ADGRA3: variants seen among roughly 807,000 people sequenced by gnomAD.
ADGRA3 encodes adhesion G protein-coupled receptor A3, also known as G-protein coupled receptor 125.
Under a neutral mutation model 119.8 loss-of-function variants are expected in ADGRA3, and 56 were observed. The ratio of observed to expected loss-of-function variants is 0.47; its 90% CI spans 0.38 to 0.58. The LOEUF (loss-of-function observed/expected upper bound fraction) is 0.58. Ranked by LOEUF, ADGRA3 falls within the 20% of genes least tolerant of loss-of-function variation. ADGRA3 has a pLI of 0.00. For missense variants in ADGRA3, 1,516 were observed against 1,649.0 expected, an observed-to-expected ratio of 0.92 and a Z score of 1.40; for synonymous variants, 607 against 623.8, an observed-to-expected ratio of 0.97 and a Z score of 0.40.
intron 1 of ADGRA3, among the ~76,000 whole-genome samples, chr4:22,490,621 C>T (rs974824431): frequency 2.0e-5 from 3 of 152,044 alleles, no homozygotes; most frequent in Non-Finnish European, 2.9e-5. Flanking sequence ...TTAAGTGCTA[C>T]AAGAGGGATA....
chr4:22,445,308 T>G (rs947908422), intron 5 of ADGRA3, among the ~76,000 whole-genome samples, 175 bp from the exon 6 acceptor site: 2 of 152,188 alleles, frequency 1.3e-5, no homozygotes, highest in Admixed American at 1.3e-4. Context: ...TTGCAGAGTG[T>G]TGGACCCCAA....
rs561450332 is a variant in ADGRA3 at position 22,387,615 on chromosome 4, G to A, written c.*90C>T. The A allele has an allele frequency of 2.3e-5, 29 of 1,261,236 alleles. No homozygotes were observed. The South Asian group carries it at 4.4e-4, about 19-fold the overall frequency. The allele number at this position is 1,261,236 out of a possible 1,614,324, so 78.1% of individuals were successfully genotyped here. The stretch of plus-strand genomic sequence containing the variant: ...TTCCAAATTCTTTTGAATCCCTATG[G>A]TGGCTGTAAACAGTTTTTAAATGCT... On this transcript the variant is annotated 3_prime_UTR_variant, in exon 19 of 19. Coordinates refer to ENST00000334304, the MANE Select transcript of ADGRA3 (RefSeq NM_145290.4).
intron 14 of ADGRA3, among the ~76,000 whole-genome samples, chr4:22,411,713 A>T (rs531659329): frequency 3.3e-5 from 5 of 152,304 alleles, no homozygotes; most frequent in Admixed American, 6.5e-5. Flanking sequence ...AGAGAATCAG[A>T]ATCATAAACT....
At chr4:22,481,587 CTTTTTA>C (rs1479248540) in intron 1 of ADGRA3, among the ~76,000 whole-genome samples, 1 of 152,150 alleles carries the variant, frequency 6.6e-6, no homozygotes, top group Non-Finnish European at 1.5e-5. Context: ...TTGATGGCTG[CTTTTTA>C]TTTTTATTTG....
intron 1 of ADGRA3, among the ~76,000 whole-genome samples, chr4:22,505,673 A>C (rs1047351678): frequency 6.6e-6 from 1 of 151,928 alleles, no homozygotes; most frequent in Non-Finnish European, 1.5e-5. Flanking sequence ...GAATTTCTAA[A>C]ATTCCACGGT....
intron 1 of ADGRA3, chr4:22,478,330 G>C (rs1252352571): frequency 6.6e-6 from 1 of 152,168 alleles, no homozygotes; most frequent in African/African-American, 2.4e-5. Context: ...AGTAGTTTTA[G>C]AAGTTCTCAG....
Position 22,388,814 on chromosome 4 carries a change from T to G in ADGRA3, c.2857A>C (p.Lys953Gln). The G allele has an allele frequency of 1.2e-6, 2 of 1,614,124 alleles. No homozygotes were observed. The highest frequency in any genetic ancestry group is 1.7e-6 in the Non-Finnish European group (2 of 1,179,998). The part of the protein sequence containing the change: ...KRHPERKYEL[K>Q]EPTEEQQRLA... Reference sequence around the variant, plus strand: ...CTCTGTTGCTCCTCCGTGGGCTCCTTAAGCTCATATTTGCGCTCAGGGTGT... The same window carrying G: ...CTCTGTTGCTCCTCCGTGGGCTCCTGAAGCTCATATTTGCGCTCAGGGTGT... The change falls in exon 19 of 19, where the codon AAG becomes CAG. Residue 953 changes from lysine (K) to glutamine (Q), a missense_variant. By Grantham distance (53) the Lys-to-Gln change is moderately conservative. This residue lies in a region of ADGRA3 where 1,088 missense variants were observed against 1,107.1 expected (regional missense o/e 0.98). Coordinates refer to ENST00000334304, the MANE Select transcript of ADGRA3 (RefSeq NM_145290.4).
intron 14 of ADGRA3, among the ~76,000 whole-genome samples, chr4:22,405,996 T>C (rs1385787427): frequency 6.6e-6 from 1 of 152,142 alleles, no homozygotes; most frequent in Non-Finnish European, 1.5e-5. Flanking sequence ...CTCTGGTATT[T>C]TCCATTCTCC....
At chr4:22,456,421 A>G (rs1276118143) in intron 3 of ADGRA3, among the ~76,000 whole-genome samples, 3 of 152,084 alleles carry the variant, frequency 2.0e-5, no homozygotes, top group Non-Finnish European at 4.4e-5. Context: ...CAGGCAAAAG[A>G]GAGGGCTTGT....
chr4:22,444,932 A>G, intron 6 of ADGRA3, 41 bp downstream of exon 6: 1 of 1,605,056 alleles, frequency 6.2e-7, no homozygotes, highest in Non-Finnish European at 8.5e-7. Flanking sequence ...TAGCAAGTCA[A>G]AATATGGTAA....
intron 11 of ADGRA3, among the ~76,000 whole-genome samples, chr4:22,421,617 T>C (rs900993485): frequency 6.6e-6 from 1 of 152,154 alleles, no homozygotes; most frequent in African/African-American, 2.4e-5. Context: ...CAAAGCTGTT[T>C]CTTCAGAAAA....
At chr4:22,406,994 G>A (rs1209052882) in intron 14 of ADGRA3, among the ~76,000 whole-genome samples, 7 of 152,162 alleles carry the variant, frequency 4.6e-5, no homozygotes, top group Non-Finnish European at 7.3e-5. Context: ...ATATAAGGCC[G>A]GGCGCAGTGG....
chr4:22,475,484 T>C (rs1368449248), intron 1 of ADGRA3, among the ~76,000 whole-genome samples: 1 of 152,092 alleles, frequency 6.6e-6, no homozygotes, highest in Non-Finnish European at 1.5e-5. Context: ...TCCCAGCACT[T>C]TGGGAGGCCG....
At chr4:22,403,833 CTG>C (rs1437967058) in intron 14 of ADGRA3, among the ~76,000 whole-genome samples, 3 of 152,192 alleles carry the variant, frequency 2.0e-5, no homozygotes, top group African/African-American at 7.2e-5. Flanking sequence ...TAGGCACTGA[CTG>C]TGTCCAGCAC....
chr4:22,404,435 G>A (rs960637867), intron 14 of ADGRA3, among the ~76,000 whole-genome samples: 13 of 152,168 alleles, frequency 8.5e-5, no homozygotes, highest in Non-Finnish European at 1.6e-4. Flanking sequence ...ATGATGAACA[G>A]TTAATGACAA....
At chr4:22,462,900 G>A (rs1186787016) in intron 2 of ADGRA3, among the ~76,000 whole-genome samples, 2 of 152,132 alleles carry the variant, frequency 1.3e-5, no homozygotes, top group South Asian at 4.1e-4. Flanking sequence ...CTGGGGACTC[G>A]CCAGTTGCCT....
chr4:22,428,717 T>C (rs1047748086), intron 10 of ADGRA3, among the ~76,000 whole-genome samples: 1 of 152,212 alleles, frequency 6.6e-6, no homozygotes, highest in African/African-American at 2.4e-5. Flanking sequence ...ATGATGGAAC[T>C]GCTGCATTCT....
intron 12 of ADGRA3, among the ~76,000 whole-genome samples, chr4:22,415,605 C>T (rs1038620477): frequency 2.5e-4 from 38 of 151,976 alleles, no homozygotes; most frequent in Non-Finnish European, 3.4e-4. Flanking sequence ...ACATAATGCA[C>T]ATTTATTAAA....
At chr4:22,460,236 G>A (rs1281888310) in intron 3 of ADGRA3, among the ~76,000 whole-genome samples, 6 of 152,140 alleles carry the variant, frequency 3.9e-5, no homozygotes, top group African/African-American at 1.4e-4. Flanking sequence ...GCGTTCAGAC[G>A]TATTTTCACT....
Sources: gnomAD v4.1 joint callset for allele counts (sites outside exome capture counted in the v4.1 genomes callset) on GRCh38, gnomAD v4.1.1 for gene constraint, gnomAD v4.1.1 regional missense constraint, MANE v1.5 for transcripts, NCBI Gene and HGNC (gene_info 2026-07-23, HGNC 2026-07-21) for gene names.